The following SYT1 variants were observed in gnomAD, a reference collection of about 807,000 sequenced individuals.
SYT1 encodes synaptotagmin 1.
Under a neutral mutation model 44.8 loss-of-function variants are expected in SYT1, and 8 were observed. The observed-to-expected ratio is 0.18, with a 90% confidence interval of 0.10 to 0.32. The LOEUF (loss-of-function observed/expected upper bound fraction) is 0.32. SYT1 is among the 10% of genes least tolerant of loss of function. The pLI is 1.00. For missense variants in SYT1, 286 were observed against 509.3 expected (o/e 0.56, Z 4.22); for synonymous variants, 154 against 188.8 (o/e 0.82, Z 1.51).
chr12:79,245,267 C>T (rs1187412276), intron 4 of SYT1, among the ~76,000 whole-genome samples: 3 of 146,640 alleles, frequency 2.0e-5, no homozygotes, highest in Admixed American at 6.9e-5. Flanking sequence ...AGATCCTGAC[C>T]ATCCTGGCTA....
At chr12:78,908,072 C>A (rs1024526890) in intron 1 of SYT1, among the ~76,000 whole-genome samples, 1 of 151,904 alleles carries the variant, frequency 6.6e-6, no homozygotes, top group Admixed American at 6.6e-5. Flanking sequence ...AAAATCACAC[C>A]AAGCTATTAA....
chr12:79,155,764 G>C (rs1440811063), intron 3 of SYT1, among the ~76,000 whole-genome samples: 1 of 152,186 alleles, frequency 6.6e-6, no homozygotes, highest in Non-Finnish European at 1.5e-5. Context: ...CAGACTTTTA[G>C]TGATGACTCC....
intron 9 of SYT1, among the ~76,000 whole-genome samples, chr12:79,411,129 C>A (rs759351417): frequency 5.3e-5 from 8 of 152,160 alleles, no homozygotes; most frequent in Non-Finnish European, 1.2e-4. Context: ...GATAAGCAGT[C>A]CAAAGCTGAC....
intron 9 of SYT1, among the ~76,000 whole-genome samples, chr12:79,423,035 A>G (rs1869214014): frequency 6.6e-6 from 1 of 152,172 alleles, no homozygotes; most frequent in Non-Finnish European, 1.5e-5. Context: ...GTTTCTCTCC[A>G]GATCTGAAGA....
intron 1 of SYT1, among the ~76,000 whole-genome samples, chr12:78,959,726 T>C (rs1489051752): frequency 1.3e-5 from 2 of 152,110 alleles, no homozygotes; most frequent in African/African-American, 4.8e-5. Context: ...AGTTCTTCTG[T>C]GTCTGAAATT....
chr12:79,133,399 T>G (rs1250435104), intron 3 of SYT1, among the ~76,000 whole-genome samples: 5 of 151,774 alleles, frequency 3.3e-5, no homozygotes, highest in African/African-American at 7.3e-5. Flanking sequence ...ACAAAAAAAC[T>G]ACAAGAGAAG....
chr12:79,196,745 A>G (rs1873486999), intron 3 of SYT1, among the ~76,000 whole-genome samples: 1 of 152,216 alleles, frequency 6.6e-6, no homozygotes, highest in Non-Finnish European at 1.5e-5. Context: ...TGCATTGTAC[A>G]CACAACAGGA....
At chr12:79,031,037 G>A (rs1270784962) in intron 2 of SYT1, among the ~76,000 whole-genome samples, 2 of 150,878 alleles carry the variant, frequency 1.3e-5, no homozygotes, top group South Asian at 4.2e-4. Context: ...ATATATTCCA[G>A]AAAGAATGAA....
At chr12:79,257,010 G>A (rs1170358842) in intron 4 of SYT1, among the ~76,000 whole-genome samples, 1 of 152,200 alleles carries the variant, frequency 6.6e-6, no homozygotes, top group Admixed American at 6.5e-5. Flanking sequence ...AACTTGATAA[G>A]AGAGTCTCTG....
chr12:79,179,632 C>G (rs1872392620), intron 3 of SYT1, among the ~76,000 whole-genome samples: 1 of 150,964 alleles, frequency 6.6e-6, no homozygotes, highest in African/African-American at 2.4e-5. Context: ...GTGGGTCAGG[C>G]TGGTCTCAAA....
Position 78,998,437 on chromosome 12 carries a change from A to T in SYT1, c.-84+20506A>T, listed in dbSNP as rs866599751. ...CTTGCTTTGTTCAGGGATCTGGATTATGAGCACTCTGAGAACAGAAGTCAT... is the reference window on the plus strand; with the variant it reads ...CTTGCTTTGTTCAGGGATCTGGATTTTGAGCACTCTGAGAACAGAAGTCAT... On this transcript the variant is annotated intron_variant, in intron 2 of 10. Transcript: ENST00000261205. Among the ~76,000 whole-genome samples, 3 of 152,190 alleles carry T rather than the reference A, an allele frequency of 2.0e-5. No homozygotes were observed. The South Asian group carries it at 6.2e-4, about 31-fold the overall frequency.
chr12:79,204,665 C>T (rs1873992192), intron 3 of SYT1, among the ~76,000 whole-genome samples: 1 of 152,030 alleles, frequency 6.6e-6, no homozygotes, highest in South Asian at 2.1e-4. Flanking sequence ...CTAAAAAAAG[C>T]TATGTCAAAT....
chr12:79,432,307 C>T (rs1869839700), intron 9 of SYT1, among the ~76,000 whole-genome samples: 1 of 151,742 alleles, frequency 6.6e-6, no homozygotes. Flanking sequence ...TGGTTTGCTG[C>T]ACCCATTAAC....
At position 78,867,058 on chromosome 12, in the gene SYT1, GAAA is replaced by G. The variant is rs35154964; in HGVS notation, c.-217+1962_-217+1964del. On this transcript the variant is annotated intron_variant, in intron 1 of 10. Coordinates refer to ENST00000261205, the MANE Select transcript of SYT1 (RefSeq NM_005639.3). ...CTTTCTAGGGCTTTGACATTTAAAT[GAAA>G]AAAAAAAAAAAATAGTGTCTCTGTT... 3.3e-3 allele frequency among the ~76,000 whole-genome samples: 473 copies of G among 143,174 alleles called. 2 individuals are homozygous for G. The highest frequency in any genetic ancestry group is 0.012 in the African/African-American group (453 of 38,656). The allele number at this position is 143,174 out of a possible 152,430, so 93.9% of individuals were successfully genotyped here. A position where few individuals can be genotyped will look rare whatever the true frequency, so the allele number is the denominator to read the frequency against.
At chr12:79,285,008 A>G (rs182924250) in intron 4 of SYT1, among the ~76,000 whole-genome samples, 2 of 152,282 alleles carry the variant, frequency 1.3e-5, no homozygotes, top group East Asian at 3.9e-4. Context: ...AGAACAGTGA[A>G]GCAATCTGAG....
At chr12:79,383,615 AT>A (rs1461653727) in intron 9 of SYT1, among the ~76,000 whole-genome samples, 1 of 152,196 alleles carries the variant, frequency 6.6e-6, no homozygotes, top group Admixed American at 6.5e-5. Flanking sequence ...CCCTTGCAGA[AT>A]TTACAGTATT....
At chr12:79,392,806 T>C (rs1884715870) in intron 9 of SYT1, 1 of 151,028 alleles carries the variant, frequency 6.6e-6, no homozygotes. Context: ...TTCTTTTTTT[T>C]TTTTTTTTTT....
intron 2 of SYT1, among the ~76,000 whole-genome samples, chr12:79,045,345 C>T (rs1038566457): frequency 4.6e-5 from 7 of 152,170 alleles, no homozygotes; most frequent in East Asian, 1.9e-4. Flanking sequence ...TTAAGCCGGT[C>T]GGAAAAGCGC....
chr12:78,883,989 T>G (rs1874599529), intron 1 of SYT1, among the ~76,000 whole-genome samples: 1 of 150,776 alleles, frequency 6.6e-6, no homozygotes. Context: ...AAAATAATTT[T>G]CTAAATAAAA....
Sources: allele counts gnomAD v4.1 joint callset (sites outside exome capture counted in the v4.1 genomes callset), GRCh38; gene constraint gnomAD v4.1.1; transcripts MANE v1.5; gene names NCBI Gene and HGNC (gene_info 2026-07-23, HGNC 2026-07-21).